Variants in NRXN1 observed in about 807,000 individuals in gnomAD.
NRXN1 encodes neurexin-1.
Under a neutral mutation model 150.9 loss-of-function variants are expected in NRXN1, and 39 were observed. The ratio of observed to expected loss-of-function variants is 0.26; its 90% confidence interval spans 0.20 to 0.34. NRXN1 has a LOEUF of 0.34. Among genes scored for constraint, NRXN1 ranks in the 10% least tolerant of loss-of-function variants. The pLI is 1.00. For synonymous variants in NRXN1, 924 were observed against 757.0 expected, an observed-to-expected ratio of 1.22 and a Z score of -3.62; for missense variants, 1,815 against 1,949.9, an observed-to-expected ratio of 0.93 and a Z score of 1.30.
In NRXN1 at chr2:50,527,819, T is replaced by C. The variant is rs549478541; in HGVS notation, c.2374+806A>G. Among the ~76,000 whole-genome samples the C allele has an allele frequency of 2.4e-3, 367 of 152,282 alleles. 1 individual carries two copies. Among genetic ancestry groups the C allele is most frequent in the African/African-American group, 8.4e-3 (351 of 41,570 alleles). ...CTGTGACAGTGAGAGATTAGAAATT[T>C]GTTAGAACCATTTTATTTAAATTGC... On this transcript the variant is annotated intron_variant, in intron 12 of 22. Coordinates refer to ENST00000401669, the MANE Select transcript of NRXN1 (RefSeq NM_001330078.2).
At chr2:50,858,025 G>A (rs1033558569) in intron 5 of NRXN1, among the ~76,000 whole-genome samples, 1 of 151,884 alleles carries the variant, frequency 6.6e-6, no homozygotes, top group Non-Finnish European at 1.5e-5. Flanking sequence ...ATTGATGGGT[G>A]AGCATTTTCT....
intron 2 of NRXN1, among the ~76,000 whole-genome samples, chr2:50,991,079 A>G (rs1262598497): frequency 6.6e-6 from 1 of 152,048 alleles, no homozygotes; most frequent in Non-Finnish European, 1.5e-5. Context: ...CTAGGAATAC[A>G]GTAGTAAATG....
chr2:50,712,820 T>C (rs1480340894), intron 5 of NRXN1, among the ~76,000 whole-genome samples: 1 of 152,194 alleles, frequency 6.6e-6, no homozygotes, highest in Non-Finnish European at 1.5e-5. Context: ...CAGCCAAAGA[T>C]GACATTAACA....
intron 17 of NRXN1, among the ~76,000 whole-genome samples, chr2:50,376,380 AAG>A (rs1435975070): frequency 1.3e-5 from 2 of 151,840 alleles, no homozygotes; most frequent in South Asian, 2.1e-4. Context: ...AAAAAAAAAA[AAG>A]AGAGGGAAAT....
chr2:50,502,656 T>C (rs10174437), intron 13 of NRXN1, among the ~76,000 whole-genome samples: 7,434 of 152,178 alleles, frequency 0.049, 590 homozygotes, highest in African/African-American at 0.17. Context: ...GATGAAAACA[T>C]ATGAAAGTAT....
At chr2:50,988,116 T>G (rs765435836) in intron 2 of NRXN1, among the ~76,000 whole-genome samples, 1 of 151,954 alleles carries the variant, frequency 6.6e-6, no homozygotes, top group Non-Finnish European at 1.5e-5. Flanking sequence ...GATTCTTCCA[T>G]AAGGGTCAGT....
At chr2:50,656,142 A>C (rs1044604126) in intron 5 of NRXN1, among the ~76,000 whole-genome samples, 3 of 151,910 alleles carry the variant, frequency 2.0e-5, no homozygotes, top group African/African-American at 7.2e-5. Context: ...AATAACTTCC[A>C]AACTATTGTT....
chr2:50,818,609 T>C (rs1669265182), intron 5 of NRXN1, among the ~76,000 whole-genome samples: 1 of 152,044 alleles, frequency 6.6e-6, no homozygotes, highest in Non-Finnish European at 1.5e-5. Context: ...CTTTAAAACA[T>C]TGCTCTTGGC....
intron 21 of NRXN1, among the ~76,000 whole-genome samples, chr2:50,009,001 G>A (rs1445435494): frequency 6.6e-6 from 1 of 152,120 alleles, no homozygotes; most frequent in Non-Finnish European, 1.5e-5. Context: ...AATCCTGAGA[G>A]TCAAAAAGCT....
chr2:50,403,602 G>T lies in NRXN1; in HGVS notation c.3364+61840C>A, dbSNP rs534443791. Among the ~76,000 whole-genome samples the T allele has an allele frequency of 2.0e-5, 3 of 152,004 alleles. No individual in the cohort carries two copies. In the East Asian group the frequency reaches 5.8e-4, roughly 29 times the overall value. On this transcript the variant is annotated intron_variant, in intron 17 of 22. Coordinates refer to ENST00000401669, the MANE Select transcript of NRXN1 (RefSeq NM_001330078.2). ...ATTAGAAGGAAAAACTATGGCTAAG[G>T]ATAATTAATTTTTATGAGCCTCAAA... is the stretch of plus-strand genomic sequence containing the variant.
intron 5 of NRXN1, among the ~76,000 whole-genome samples, chr2:50,692,191 C>G (rs1310954511): frequency 6.6e-6 from 1 of 152,040 alleles, no homozygotes; most frequent in Non-Finnish European, 1.5e-5. Context: ...TAAATATTAT[C>G]TGAATAATCC....
chr2:50,128,069 T>G (rs557374251), intron 18 of NRXN1, among the ~76,000 whole-genome samples: 1 of 152,286 alleles, frequency 6.6e-6, no homozygotes, highest in East Asian at 1.9e-4. Flanking sequence ...AGCTGAAAGA[T>G]TGGTTACTGG....
At chr2:49,943,619 A>C (rs569852538) in intron 22 of NRXN1, 85 bp downstream of exon 22, 1 of 865,414 alleles carries the variant, frequency 1.2e-6, no homozygotes, top group African/African-American at 1.7e-5. Flanking sequence ...CCTTCTATAC[A>C]TGAATATAAG....
intron 17 of NRXN1, among the ~76,000 whole-genome samples, chr2:50,435,059 G>C (rs6545170): frequency 6.6e-6 from 1 of 151,810 alleles, no homozygotes; most frequent in Non-Finnish European, 1.5e-5. Flanking sequence ...GTATATTTAC[G>C]GGGTTATACT....
At chr2:50,085,180 T>G (rs970162151) in intron 19 of NRXN1, among the ~76,000 whole-genome samples, 1 of 152,204 alleles carries the variant, frequency 6.6e-6, no homozygotes, top group Non-Finnish European at 1.5e-5. Flanking sequence ...TATTCATCTA[T>G]GCATGTAAGT....
At chr2:50,735,376 G>C (rs538429475) in intron 5 of NRXN1, among the ~76,000 whole-genome samples, 1 of 151,840 alleles carries the variant, frequency 6.6e-6, no homozygotes, top group South Asian at 2.1e-4. Flanking sequence ...GTAATGAAAC[G>C]TACCAAGAAC....
rs2059792761 is a variant in NRXN1 at position 50,168,037 on chromosome 2, T to C, written c.3546+68752A>G. Among the ~76,000 whole-genome samples the C allele has an allele frequency of 3.3e-5, 5 of 152,158 alleles. No individual in the cohort carries two copies. In the South Asian group the frequency reaches 1.0e-3, roughly 31 times the overall value. On this transcript the variant is annotated intron_variant, in intron 18 of 22. Coordinates refer to ENST00000401669, the MANE Select transcript of NRXN1 (RefSeq NM_001330078.2). ...AGGTTTGCATTTTTCCAAAGGTTTT[T>C]TTTTTCAATTCCTCTGTTTGCAATG...
chr2:50,889,813 A>C (rs1016809510), intron 5 of NRXN1, among the ~76,000 whole-genome samples: 2 of 151,696 alleles, frequency 1.3e-5, no homozygotes, highest in African/African-American at 2.4e-5. Flanking sequence ...CATAAACATA[A>C]CTGCATACAA....
At chr2:50,090,773 G>A (rs187616797) in intron 19 of NRXN1, among the ~76,000 whole-genome samples, 4 of 152,204 alleles carry the variant, frequency 2.6e-5, no homozygotes, top group African/African-American at 7.2e-5. Flanking sequence ...TTATATGAAA[G>A]TGAAAACAAA....
Sources: gnomAD v4.1 joint callset for allele counts (sites outside exome capture counted in the v4.1 genomes callset) on GRCh38, gnomAD v4.1.1 for gene constraint, MANE v1.5 for transcripts, NCBI Gene and HGNC (gene_info 2026-07-23, HGNC 2026-07-21) for gene names.